The following CTNNA2 variants were observed in gnomAD, a reference collection of about 807,000 sequenced individuals.
The protein encoded by CTNNA2 is catenin alpha 2.
In CTNNA2, 42 loss-of-function variants were observed where a neutral mutation model predicts 101.0. The ratio of observed to expected loss-of-function variants is 0.42; its 90% CI spans 0.32 to 0.54. The LOEUF (loss-of-function observed/expected upper bound fraction) is 0.54. CTNNA2 is among the 20% of genes least tolerant of loss of function. The probability of loss-of-function intolerance (pLI) is 0.14; values close to 1 mark genes in which losing one functional copy is unlikely to be tolerated. For missense variants in CTNNA2, 871 were observed against 1,223.1 expected, an observed-to-expected ratio of 0.71 and a Z score of 4.29; for synonymous variants, 450 against 456.4, an observed-to-expected ratio of 0.99 and a Z score of 0.18.
intron 9 of CTNNA2, among the ~76,000 whole-genome samples, chr2:80,510,324 C>G (rs1207552397): frequency 6.6e-6 from 1 of 152,128 alleles, no homozygotes; most frequent in South Asian, 2.1e-4. Context: ...TCTCTATGTG[C>G]CCTCTTGCTT....
intron 7 of CTNNA2, among the ~76,000 whole-genome samples, chr2:80,383,039 C>A (rs970524885): frequency 1.3e-5 from 2 of 152,108 alleles, no homozygotes; most frequent in Admixed American, 6.6e-5. Context: ...AGTTCATGGT[C>A]TCTTGCAGGC....
At chr2:80,430,723 A>G (rs1485336322) in intron 9 of CTNNA2, among the ~76,000 whole-genome samples, 2 of 152,198 alleles carry the variant, frequency 1.3e-5, no homozygotes, top group Non-Finnish European at 2.9e-5. Flanking sequence ...CACATTAGAC[A>G]TTAGAAGGTT....
At chr2:79,204,059 T>G (rs1674070377) in intron 2 of CTNNA2, among the ~76,000 whole-genome samples, 1 of 152,210 alleles carries the variant, frequency 6.6e-6, no homozygotes, top group Admixed American at 6.5e-5. Context: ...TCTTCCCTAT[T>G]AAGGAAATGC....
rs548505367 is a variant in CTNNA2 at position 80,563,297 on chromosome 2, G to C, written c.1741+7404G>C. On this transcript the variant is annotated intron_variant, in intron 12 of 18. Coordinates refer to ENST00000402739, the MANE Select transcript of CTNNA2 (RefSeq NM_001282597.3). ...GGCTGTAGTAATGTCCTGTCACCCA[G>C]ATTCTCTGACGGAGGGGAAACTGCC... is the stretch of plus-strand genomic sequence containing the variant. 2.6e-5 allele frequency among the ~76,000 whole-genome samples: 4 copies of C among 152,328 alleles called. No individual in the cohort carries two copies. The East Asian group carries it at 7.7e-4, about 29-fold the overall frequency.
At chr2:80,126,148 G>T (rs1702097079) in intron 7 of CTNNA2, among the ~76,000 whole-genome samples, 1 of 151,880 alleles carries the variant, frequency 6.6e-6, no homozygotes, top group African/African-American at 2.4e-5. Flanking sequence ...CCTTTCTTCT[G>T]TGTTTTTCCC....
intron 6 of CTNNA2, among the ~76,000 whole-genome samples, chr2:79,894,000 T>TTCC (rs1269836953): frequency 2.0e-4 from 12 of 61,432 alleles, no homozygotes; most frequent in African/African-American, 4.6e-4. Context: ...TTTCTTCTTC[T>TTCC]TCTTCTTCTT....
intron 2 of CTNNA2, among the ~76,000 whole-genome samples, chr2:79,205,419 G>A (rs1201111212): frequency 6.6e-6 from 1 of 152,228 alleles, no homozygotes; most frequent in Non-Finnish European, 1.5e-5. Context: ...GAAGTTTGCA[G>A]TGGTTTGTTA....
chr2:79,487,108 A>G (rs1671165705), intron 4 of CTNNA2, among the ~76,000 whole-genome samples: 1 of 152,216 alleles, frequency 6.6e-6, no homozygotes, highest in Non-Finnish European at 1.5e-5. Flanking sequence ...AGCAGTTTAA[A>G]AGATGCATTA....
At chr2:80,347,952 G>A (rs1189281476) in intron 7 of CTNNA2, among the ~76,000 whole-genome samples, 1 of 151,290 alleles carries the variant, frequency 6.6e-6, no homozygotes, top group Non-Finnish European at 1.5e-5. Flanking sequence ...CCTGGGTCCT[G>A]CAGTCAGAGT....
At chr2:79,670,817 A>G (rs1167698145) in intron 2 of CTNNA2, among the ~76,000 whole-genome samples, 1 of 152,076 alleles carries the variant, frequency 6.6e-6, no homozygotes, top group Non-Finnish European at 1.5e-5. Flanking sequence ...GTTTGCTTAC[A>G]TTTTGGAGGT....
intron 5 of CTNNA2, among the ~76,000 whole-genome samples, chr2:79,870,430 G>A (rs963720656): frequency 4.0e-5 from 6 of 150,138 alleles, no homozygotes; most frequent in African/African-American, 4.9e-5. Flanking sequence ...AGGGGTGGGG[G>A]AACGGAGAAA....
intron 2 of CTNNA2, among the ~76,000 whole-genome samples, chr2:79,706,052 C>T (rs1244659526): frequency 6.6e-6 from 1 of 151,936 alleles, no homozygotes; most frequent in Non-Finnish European, 1.5e-5. Flanking sequence ...CGAAGGCCTT[C>T]GTGTGGTCTT....
Position 79,194,218 on chromosome 2 carries a change from G to T in CTNNA2, c.-523-3741G>T, listed in dbSNP as rs557405221. Reference sequence around the variant, plus strand: ...CTGTAAGAATACTGAGAGGGTTTTTGAGCTGCTGTGAATAAAACTGTTGGT... The same window carrying T: ...CTGTAAGAATACTGAGAGGGTTTTTTAGCTGCTGTGAATAAAACTGTTGGT... On this transcript the variant is annotated intron_variant, in intron 1 of 21. Coordinates refer to the CTNNA2 transcript ENST00000466387. Among the ~76,000 whole-genome samples, 10 of 152,238 alleles carry T rather than the reference G, an allele frequency of 6.6e-5. No homozygotes were observed. In the South Asian group the frequency reaches 2.1e-3, roughly 32 times the overall value.
intron 3 of CTNNA2, among the ~76,000 whole-genome samples, chr2:79,814,638 C>CACACACACACAT (rs145584853): frequency 4.5e-4 from 66 of 147,062 alleles, no homozygotes; most frequent in African/African-American, 1.6e-3. Context: ...CACACACACA[C>CACACACACACAT]ATATATATAT....
chr2:80,268,049 G>T (rs1157949850), intron 7 of CTNNA2, among the ~76,000 whole-genome samples: 2 of 152,222 alleles, frequency 1.3e-5, no homozygotes, highest in Non-Finnish European at 2.9e-5. Context: ...TAGGCCAGGG[G>T]CTATGCAGGG....
chr2:80,081,491 TCTCCCTCCCTCC>T (rs200076866), intron 7 of CTNNA2, among the ~76,000 whole-genome samples: 10 of 151,020 alleles, frequency 6.6e-5, no homozygotes, highest in African/African-American at 2.4e-4. Flanking sequence ...TCTGTCTCTC[TCTCCCTCCCTCC>T]CTCCCTCCCT....
intron 4 of CTNNA2, among the ~76,000 whole-genome samples, chr2:79,860,565 T>TTTTTTTTTTTTTTTG (rs1553385350): frequency 6.6e-6 from 1 of 150,770 alleles, no homozygotes; most frequent in Non-Finnish European, 1.5e-5. Flanking sequence ...TTTTTTTTTT[T>TTTTTTTTTTTTTTTG]AACGATTTAG....
intron 7 of CTNNA2, among the ~76,000 whole-genome samples, chr2:80,225,357 T>C (rs1708820816): frequency 6.6e-6 from 1 of 152,226 alleles, no homozygotes. Flanking sequence ...TTTGTGTCTC[T>C]GGGCACTGCT....
At chr2:79,532,988 A>T (rs1462945486) in intron 1 of CTNNA2, among the ~76,000 whole-genome samples, 2 of 151,914 alleles carry the variant, frequency 1.3e-5, no homozygotes, top group African/African-American at 2.4e-5. Flanking sequence ...AGTCTGAAAT[A>T]TTCCTCTCCC....
Sources: allele counts gnomAD v4.1 joint callset (sites outside exome capture counted in the v4.1 genomes callset), GRCh38; gene constraint gnomAD v4.1.1; transcripts MANE v1.5; gene names NCBI Gene and HGNC (gene_info 2026-07-23, HGNC 2026-07-21).